Variants in UBR2 observed in about 807,000 individuals in gnomAD.
UBR2 encodes the protein E3 ubiquitin-protein ligase UBR2.
Under a neutral mutation model 247.9 loss-of-function variants are expected in UBR2, and 92 were observed. The ratio of observed to expected loss-of-function variants is 0.37; its 90% confidence interval spans 0.31 to 0.44. The LOEUF (loss-of-function observed/expected upper bound fraction) is 0.44. UBR2 is among the 20% of genes least tolerant of loss of function. UBR2 has a pLI of 1.00. For missense variants in UBR2, 1,613 were observed against 2,112.6 expected, an observed-to-expected ratio of 0.76 and a Z score of 4.64; for synonymous variants, 672 against 693.5, an observed-to-expected ratio of 0.97 and a Z score of 0.49.
At chr6:42,612,661 G>C (rs1353338622) in intron 8 of UBR2, among the ~76,000 whole-genome samples, 4 of 152,162 alleles carry the variant, frequency 2.6e-5, no homozygotes, top group African/African-American at 7.2e-5. Flanking sequence ...CTGGAAAAAT[G>C]CTGCTGTAAA....
At chr6:42,614,081 G>A (rs1238960061) in intron 8 of UBR2, among the ~76,000 whole-genome samples, 1 of 148,724 alleles carries the variant, frequency 6.7e-6, no homozygotes, top group Admixed American at 6.8e-5. Flanking sequence ...GGAGGCTGAG[G>A]CACAGGAATT....
In UBR2 at chr6:42,592,134, T is replaced by A; in HGVS notation, c.339-17T>A. ...GTTATTTTCTGACACTTTGATTTTTTTTTTTTAACTTTACAGAGACTGTGC... is the reference window on the plus strand; with the variant it reads ...GTTATTTTCTGACACTTTGATTTTTATTTTTTAACTTTACAGAGACTGTGC... On this transcript the variant is annotated splice_polypyrimidine_tract_variant and intron_variant, in intron 2 of 46. Transcript: ENST00000372901. The A allele has an allele frequency of 6.3e-7, 1 of 1,598,942 alleles. No homozygotes were observed.
intron 21 of UBR2, among the ~76,000 whole-genome samples, 195 bp downstream of exon 21, chr6:42,645,785 A>G (rs1796719873): frequency 6.6e-6 from 1 of 152,210 alleles, no homozygotes; most frequent in Non-Finnish European, 1.5e-5. Context: ...ATAGTAATAG[A>G]ATCTTTTACA....
chr6:42,678,477 C>T, intron 40 of UBR2, 62 bp from the exon 41 acceptor site: 1 of 1,532,886 alleles, frequency 6.5e-7, no homozygotes, highest in Non-Finnish European at 8.8e-7. Context: ...TCTGTTTTCA[C>T]ACTATAAGTA....
intron 11 of UBR2, chr6:42,620,046 G>A: frequency 1.1e-6 from 1 of 936,780 alleles, no homozygotes; most frequent in Non-Finnish European, 1.3e-6. Context: ...TATCTGTCTG[G>A]TCTATCTGGA....
At chr6:42,639,952 C>T (rs1275667129) in intron 15 of UBR2, among the ~76,000 whole-genome samples, 4 of 151,998 alleles carry the variant, frequency 2.6e-5, no homozygotes, top group South Asian at 2.1e-4. Context: ...GGCGTGAACC[C>T]GGGAGGCGGA....
rs538805090 is a variant in UBR2 at position 42,604,170 on chromosome 6, C to T, written c.662+452C>T. Among the ~76,000 whole-genome samples the T allele has an allele frequency of 1.1e-4, 17 of 152,264 alleles. No individual in the cohort carries two copies. The South Asian group carries it at 3.5e-3, about 32-fold the overall frequency. Reference sequence around the variant, plus strand: ...TTAATAAAATGTATTCCACACTGTGCTTTTCTAGTGTACATCTACCATTTT... The same window carrying T: ...TTAATAAAATGTATTCCACACTGTGTTTTTCTAGTGTACATCTACCATTTT... On this transcript the variant is annotated intron_variant, in intron 5 of 46. Coordinates refer to ENST00000372901, the MANE Select transcript of UBR2 (RefSeq NM_001363705.2).
chr6:42,572,564 A>G (rs915000913), intron 1 of UBR2, among the ~76,000 whole-genome samples: 1 of 151,918 alleles, frequency 6.6e-6, no homozygotes, highest in Non-Finnish European at 1.5e-5. Flanking sequence ...TTTAAGGAAT[A>G]CATGTGCAGG....
At chr6:42,585,025 C>G (rs1792167109) in intron 2 of UBR2, among the ~76,000 whole-genome samples, 1 of 151,930 alleles carries the variant, frequency 6.6e-6, no homozygotes, top group Non-Finnish European at 1.5e-5. Context: ...TTTCCTTGTT[C>G]CCAATCTTAG....
rs901282907 is a variant in UBR2, at chr6:42,644,396, T to C, written c.2220+60T>C. 3 of 1,604,552 alleles carry C rather than the reference T, an allele frequency of 1.9e-6. No homozygotes were observed. The East Asian group carries it at 6.7e-5, about 36-fold the overall frequency. ...CTAAAGAAGCATCTTTCCTTCTTTT[T>C]GGATATGTTAATCCTCTGAGATTAT... On this transcript the variant is annotated intron_variant, in intron 19 of 46. Coordinates refer to ENST00000372901, the MANE Select transcript of UBR2 (RefSeq NM_001363705.2).
chr6:42,568,964 G>A (rs190951366), intron 1 of UBR2, among the ~76,000 whole-genome samples: 2 of 152,228 alleles, frequency 1.3e-5, no homozygotes, highest in African/African-American at 2.4e-5. Context: ...TGGATTTCAC[G>A]TTTTCAAATT....
In UBR2 at chr6:42,689,741, G is replaced by A; in HGVS notation, c.5126+71G>A. On this transcript the variant is annotated intron_variant, in intron 46 of 46. Transcript: ENST00000372901. The surrounding 1 kb of genome is among the most constrained non-coding windows in gnomAD (Gnocchi z 4.0). ...TTCCGTATGTGGTGACGTCCTGAGG[G>A]TGGAGGGCTGAGGTGGTTCTGGAAG... The A allele has an allele frequency of 7.3e-7, 1 of 1,371,914 alleles. No individual in the cohort carries two copies. The highest frequency in any genetic ancestry group is 1.7e-5 in the Admixed American group (1 of 59,264). The allele number at this position is 1,371,914 out of a possible 1,614,324, so 85.0% of individuals were successfully genotyped here. A position where few individuals can be genotyped will look rare whatever the true frequency, so the allele number is the denominator to read the frequency against.
chr6:42,659,229 C>G lies in UBR2; in HGVS notation c.3242+405C>G, dbSNP rs1229542392. Among the ~76,000 whole-genome samples, 1 of 152,126 alleles carries G rather than the reference C, an allele frequency of 6.6e-6. No homozygotes were observed. Among genetic ancestry groups the G allele is most frequent in the African/African-American group, 2.4e-5 (1 of 41,410 alleles). ...ATACATTCCTGGCTGTGCGTGGTGG[C>G]TCACGCCTGTAATCCCAGCACTTCG... On this transcript the variant is annotated intron_variant, in intron 29 of 46. Transcript: ENST00000372901. This position sits in a 1 kb window ranked among gnomAD's most constrained non-coding sequence, Gnocchi z 4.3.
chr6:42,583,894 A>G (rs149291861), intron 2 of UBR2, among the ~76,000 whole-genome samples: 15 of 152,148 alleles, frequency 9.9e-5, no homozygotes, highest in African/African-American at 3.4e-4. Context: ...TCTGTCTCAA[A>G]CTAAATTTTT....
intron 23 of UBR2, 27 bp from the exon 24 acceptor site, chr6:42,651,996 G>T (rs776660577): frequency 6.4e-7 from 1 of 1,570,590 alleles, no homozygotes; most frequent in African/African-American, 1.4e-5. Flanking sequence ...ACTAATTCCC[G>T]GTCCAAATAA....
chr6:42,669,488 T>C (rs1798310642), intron 34 of UBR2, among the ~76,000 whole-genome samples: 1 of 152,186 alleles, frequency 6.6e-6, no homozygotes. Flanking sequence ...AACCTAATTT[T>C]CTTATGATTT....
In UBR2 at chr6:42,677,770, C is replaced by T. The variant is rs763348853; in HGVS notation, c.4479-769C>T. ...TGGACAAAAGAGTGAGACCCTGTCT[C>T]AAAAAGAAAAAGATGTACACTCTGA... On this transcript the variant is annotated intron_variant, in intron 40 of 46. Coordinates refer to ENST00000372901, the MANE Select transcript of UBR2 (RefSeq NM_001363705.2). 2.6e-4 allele frequency among the ~76,000 whole-genome samples: 39 copies of T among 151,802 alleles called. 1 individual carries two copies. Among genetic ancestry groups the T allele is most frequent in the Admixed American group, 1.2e-3 (18 of 15,244 alleles).
chr6:42,673,216 A>G (rs751056258), intron 36 of UBR2, among the ~76,000 whole-genome samples: 6 of 152,234 alleles, frequency 3.9e-5, no homozygotes, highest in Admixed American at 6.5e-5. Context: ...ATTTTACGGA[A>G]GAGTATCCAC....
chr6:42,614,439 C>CGTACATACATACGTATATATGTATGGAT (rs1562312402), intron 8 of UBR2, among the ~76,000 whole-genome samples: 2 of 91,996 alleles, frequency 2.2e-5, no homozygotes, highest in Non-Finnish European at 4.6e-5. Context: ...TATGTATGTA[C>CGTACATACATACGTATATATGTATGGAT]GTACATATAT....
Sources: allele counts gnomAD v4.1 joint callset (sites outside exome capture counted in the v4.1 genomes callset), GRCh38; gene constraint gnomAD v4.1.1; non-coding constraint Gnocchi (gnomAD v3.1); transcripts MANE v1.5; gene names NCBI Gene and HGNC (gene_info 2026-07-23, HGNC 2026-07-21).